TYR: variants seen among roughly 807,000 people sequenced by gnomAD.
TYR encodes LB24-AB.
TYR carries 58 observed loss-of-function variants against 51.5 expected under a neutral mutation model. The observed-to-expected ratio is 1.13, with a 90% CI of 0.91 to 1.40. The LOEUF is 1.40. Ranked by LOEUF, TYR falls within the 40% of genes most tolerant of loss-of-function variation. The probability of loss-of-function intolerance (pLI) is 0.00; values close to 1 mark genes in which losing one functional copy is unlikely to be tolerated. For missense variants in TYR, 732 were observed against 647.4 expected (o/e 1.13, Z -1.42); for synonymous variants, 263 against 235.2 (o/e 1.12, Z -1.08).
chr11:89,223,904 A>G (rs1943944572), intron 2 of TYR, among the ~76,000 whole-genome samples: 3 of 121,794 alleles, frequency 2.5e-5, no homozygotes, highest in East Asian at 2.1e-4. Context: ...CTTTTTCTTT[A>G]GCTGTTTTTT....
intron 1 of TYR, among the ~76,000 whole-genome samples, chr11:89,185,348 G>A (rs535390746): frequency 6.6e-6 from 1 of 152,180 alleles, no homozygotes; most frequent in African/African-American, 2.4e-5. Flanking sequence ...CTATGGTAAA[G>A]GTGGTACCAA....
In TYR at chr11:89,193,074, A is replaced by T. The variant is rs570697988; in HGVS notation, c.1036+1656A>T. Among the ~76,000 whole-genome samples, 11 of 152,310 alleles carry T rather than the reference A, an allele frequency of 7.2e-5. No homozygotes were observed. The South Asian group carries it at 1.2e-3, about 17-fold the overall frequency. ...GCCAGGTAATCTCAGAGCCTATATA[A>T]CAAATCTAAGGTACACAATTTCAAA... On this transcript the variant is annotated intron_variant, in intron 2 of 4. Transcript: ENST00000263321.
chr11:89,178,433 A>T lies in TYR; in HGVS notation c.480A>T (p.Lys160Asn), dbSNP rs1320319591. 6.2e-7 allele frequency: 1 copy of T among 1,614,184 alleles called. No individual in the cohort carries two copies. Among genetic ancestry groups the T allele is most frequent in the Non-Finnish European group, 8.5e-7 (1 of 1,180,034 alleles). ...VIPIGTYGQM[K>N]NGSTPMFNDI... ...CCATAGGGACCTATGGCCAAATGAA[A>T]AATGGATCAACACCCATGTTTAACG... Residue 160 changes from lysine to asparagine, a missense_variant, in exon 1 of 5, where the codon AAA (lysine) becomes AAT (asparagine). Physicochemically the swap from Lys to Asn is moderately conservative, Grantham distance 94. Transcript: ENST00000263321.
rs60853207 is a variant in TYR, at chr11:89,202,190, C to T, written c.1036+10772C>T. ...AATACAAAGAGCACACACCCACACA[C>T]TTATTTTTGTGGGGGCAGGGTAAAA... On this transcript the variant is annotated intron_variant, in intron 2 of 4. Transcript: ENST00000263321. Among the ~76,000 whole-genome samples, 1,456 of 152,238 alleles carry T rather than the reference C, an allele frequency of 9.6e-3. 17 individuals are homozygous for T. Among genetic ancestry groups the T allele is most frequent in the African/African-American group, 0.034 (1,408 of 41,530 alleles).
At chr11:89,288,394 A>G (rs1194481157) in intron 4 of TYR, among the ~76,000 whole-genome samples, 1 of 151,926 alleles carries the variant, frequency 6.6e-6, no homozygotes, top group Non-Finnish European at 1.5e-5. Flanking sequence ...TAACCCCTAC[A>G]TTGTCTTCTA....
chr11:89,276,332 C>T (rs538614108), intron 3 of TYR, among the ~76,000 whole-genome samples: 5 of 151,836 alleles, frequency 3.3e-5, no homozygotes, highest in East Asian at 3.9e-4. Flanking sequence ...CCATCTGCAT[C>T]GCTTAAAACT....
At position 89,249,620 on chromosome 11, in the gene TYR, C is replaced by A. The variant is rs1024106103; in HGVS notation, c.1184+21650C>A. Among the ~76,000 whole-genome samples the A allele has an allele frequency of 2.0e-5, 3 of 151,956 alleles. No individual in the cohort carries two copies. The East Asian group carries it at 5.8e-4, about 29-fold the overall frequency. On this transcript the variant is annotated intron_variant, in intron 3 of 4. Coordinates refer to ENST00000263321, the MANE Select transcript of TYR (RefSeq NM_000372.5). ...AAAAGTTTCAGTAGAATGGAAGCTTCGGGAGCCAGACTGGAGCAGATTCTA... is the reference window on the plus strand; with the variant it reads ...AAAAGTTTCAGTAGAATGGAAGCTTAGGGAGCCAGACTGGAGCAGATTCTA...
intron 2 of TYR, among the ~76,000 whole-genome samples, chr11:89,207,883 G>T (rs373135898): frequency 6.6e-5 from 10 of 152,004 alleles, no homozygotes; most frequent in African/African-American, 2.4e-4. Flanking sequence ...TTTTTTCAAG[G>T]TTACCATTGA....
rs1361354033 is a variant in TYR at position 89,254,311 on chromosome 11, C to T, written c.1184+26341C>T. Among the ~76,000 whole-genome samples the T allele has an allele frequency of 3.3e-5, 5 of 151,266 alleles. No homozygotes were observed. In the South Asian group the frequency reaches 6.2e-4, roughly 19 times the overall value. Reference sequence around the variant, plus strand: ...TTGTTGTTATTGTTATGTTCTTTTCCGGTTTTGGTGTTCGGGTGATACTGT... The same window carrying T: ...TTGTTGTTATTGTTATGTTCTTTTCTGGTTTTGGTGTTCGGGTGATACTGT... On this transcript the variant is annotated intron_variant, in intron 3 of 4. Coordinates refer to ENST00000263321, the MANE Select transcript of TYR (RefSeq NM_000372.5).
At position 89,178,491 on chromosome 11, in the gene TYR, C is replaced by A. The variant is rs779878377; in HGVS notation, c.538C>A (p.His180Asn). 1 of 1,614,106 alleles carries A rather than the reference C, an allele frequency of 6.2e-7. No individual in the cohort carries two copies. Among genetic ancestry groups the A allele is most frequent in the South Asian group, 1.1e-5 (1 of 91,082 alleles). The stretch of plus-strand genomic sequence containing the variant: ...TATTTATGACCTCTTTGTCTGGATG[C>A]ATTATTATGTGTCAATGGATGCACT... ...INIYDLFVWM[H>N]YYVSMDALLG... The change falls in exon 1 of 5, where the codon CAT becomes AAT. Residue 180 changes from histidine to asparagine, a missense_variant. By Grantham distance (68) the His-to-Asn change is moderately conservative. Transcript: ENST00000263321.
At chr11:89,286,984 A>G (rs57507422) in intron 4 of TYR, among the ~76,000 whole-genome samples, 3,123 of 151,928 alleles carry the variant, frequency 0.021, 116 homozygotes, top group African/African-American at 0.072. Context: ...ATGCTTTTAA[A>G]TATGCTATTG....
chr11:89,226,207 T>C (rs1210432124), intron 2 of TYR, among the ~76,000 whole-genome samples: 1 of 152,012 alleles, frequency 6.6e-6, no homozygotes, highest in African/African-American at 2.4e-5. Flanking sequence ...AGTAAACCAT[T>C]GTATTTAGGA....
intron 3 of TYR, among the ~76,000 whole-genome samples, chr11:89,249,845 A>C (rs1027766346): frequency 6.6e-6 from 1 of 152,076 alleles, no homozygotes; most frequent in Non-Finnish European, 1.5e-5. Context: ...TTGCCACAGC[A>C]AGGTACTGGA....
At chr11:89,248,216 T>C (rs1944289984) in intron 3 of TYR, among the ~76,000 whole-genome samples, 1 of 152,142 alleles carries the variant, frequency 6.6e-6, no homozygotes, top group Non-Finnish European at 1.5e-5. Context: ...AATTACTAGA[T>C]AGACAAGGAA....
rs1291069249 is a variant in TYR, at chr11:89,235,302, T to C, written c.1184+7332T>C. 3.3e-5 allele frequency among the ~76,000 whole-genome samples: 5 copies of C among 152,166 alleles called. No homozygotes were observed. The East Asian group carries it at 9.6e-4, about 29-fold the overall frequency. ...AACTAAAGATAGAATCATCATATGA[T>C]CCACTCATTCCACTTCTGACTATAT... On this transcript the variant is annotated intron_variant, in intron 3 of 4. Transcript: ENST00000263321.
intron 3 of TYR, among the ~76,000 whole-genome samples, chr11:89,277,716 G>GA (rs1944672730): frequency 2.6e-5 from 4 of 151,784 alleles, no homozygotes; most frequent in Middle Eastern, 3.4e-3. Flanking sequence ...GCATAAGCCA[G>GA]AAAAGTAGGC....
At chr11:89,194,569 A>G (rs922822280) in intron 2 of TYR, among the ~76,000 whole-genome samples, 4 of 152,206 alleles carry the variant, frequency 2.6e-5, no homozygotes, top group Non-Finnish European at 5.9e-5. Context: ...TTACAAATTT[A>G]TGATTTTTCA....
At chr11:89,180,334 G>A (rs566637510) in intron 1 of TYR, among the ~76,000 whole-genome samples, 46 of 152,274 alleles carry the variant, frequency 3.0e-4, no homozygotes, top group Non-Finnish European at 5.0e-4. Context: ...ACTTGACCCA[G>A]AAAGGTTGGA....
chr11:89,245,516 T>A (rs1219394679), intron 3 of TYR, among the ~76,000 whole-genome samples: 1 of 152,172 alleles, frequency 6.6e-6, no homozygotes, highest in African/African-American at 2.4e-5. Context: ...TTTTGAACAC[T>A]AGTCAAGCAG....
Sources: allele counts gnomAD v4.1 joint callset (sites outside exome capture counted in the v4.1 genomes callset), GRCh38; gene constraint gnomAD v4.1.1; transcripts MANE v1.5; gene names NCBI Gene and HGNC (gene_info 2026-07-23, HGNC 2026-07-21).